Variants in LARGE2 observed in about 807,000 individuals in gnomAD.
The protein encoded by LARGE2 is xylosyl- and glucuronyltransferase LARGE2.
In LARGE2, 63 loss-of-function variants were observed where a neutral mutation model predicts 75.3. The observed-to-expected ratio is 0.84, with a 90% confidence interval of 0.68 to 1.03. LARGE2 has a LOEUF of 1.03. Among genes scored for constraint, LARGE2 ranks in the 50% least tolerant of loss-of-function variants. LARGE2 has a pLI of 0.00. For missense variants in LARGE2, 925 were observed against 980.6 expected, an observed-to-expected ratio of 0.94 and a Z score of 0.76; for synonymous variants, 428 against 420.1, an observed-to-expected ratio of 1.02 and a Z score of -0.23.
chr11:45,922,541 G>A (rs1211422000), upstream of LARGE2, among the ~76,000 whole-genome samples: 7 of 152,060 alleles, frequency 4.6e-5, no homozygotes, highest in Non-Finnish European at 7.4e-5. Context: ...CTGGGGAACC[G>A]TCGGATGCCG....
chr11:45,927,739 C>A, intron 11 of LARGE2, 146 bp downstream of exon 11: 2 of 1,427,382 alleles, frequency 1.4e-6, no homozygotes, highest in Non-Finnish European at 1.9e-6. Flanking sequence ...TTTCTCTGGG[C>A]TGTCAACAGG....
At chr11:45,924,045 G>A in intron 3 of LARGE2, 109 bp from the exon 4 acceptor site, 1 of 1,028,030 alleles carries the variant, frequency 9.7e-7, no homozygotes, top group Non-Finnish European at 1.4e-6. Context: ...GCCGGGCGTG[G>A]AAAAGCTCTT....
At chr11:45,922,424 G>A (rs1047412328), upstream of LARGE2, among the ~76,000 whole-genome samples, 1 of 152,190 alleles carries the variant, frequency 6.6e-6, no homozygotes, top group East Asian at 1.9e-4. Context: ...GTCAGGGCAG[G>A]TAGCGGGGCC....
Position 45,923,120 on chromosome 11 carries a change from A to G in LARGE2, c.238A>G (p.Asn80Asp). ...GDPGAGPGDH[N>D]RSDCGPQPPP... ...CCCGGGGGCCGGCCCCGGGGACCAC[A>G]ACCGCTCCGACTGCGGCCCGCAGCC... The change falls in exon 2 of 14, where the codon AAC becomes GAC. Residue 80 changes from asparagine to aspartate, a missense_variant. Physicochemically the swap from Asn to Asp is conservative, Grantham distance 23. This residue lies in a region of LARGE2 where 453 missense variants were observed against 460.2 expected (regional missense o/e 0.98). Coordinates refer to ENST00000401752, the MANE Select transcript of LARGE2 (RefSeq NM_001300721.2). The G allele has an allele frequency of 7.3e-7, 1 of 1,373,210 alleles. No homozygotes were observed. 85.1% of individuals were successfully genotyped at this position (1,373,210 alleles called of 1,614,324 possible). A position where few individuals can be genotyped will look rare whatever the true frequency, so the allele number is the denominator to read the frequency against.
intron 12 of LARGE2, 27 bp downstream of exon 12, chr11:45,928,096 T>A: frequency 1.9e-6 from 3 of 1,612,890 alleles, no homozygotes; most frequent in Non-Finnish European, 2.5e-6. Flanking sequence ...CTCTGCCCAC[T>A]CCACTCACTT....
intron 10 of LARGE2, 120 bp downstream of exon 10, chr11:45,926,991 TC>T: frequency 9.0e-7 from 1 of 1,107,246 alleles, no homozygotes; most frequent in Non-Finnish European, 1.3e-6. Context: ...CTCAGGGAGT[TC>T]CAGAAGTTGG....
chr11:45,928,123 A>G, intron 12 of LARGE2, 54 bp downstream of exon 12: 1 of 1,612,740 alleles, frequency 6.2e-7, no homozygotes, highest in Non-Finnish European at 8.5e-7. Flanking sequence ...ACTGGCCCCC[A>G]CTACCCACGA....
At position 45,926,272 on chromosome 11, in the gene LARGE2, G is replaced by GCC; in HGVS notation, c.934_935dup (p.Cys313LeufsTer26). On this transcript the variant is annotated frameshift_variant, in exon 8 of 14. Transcript: ENST00000401752. LOFTEE classifies it high-confidence loss of function. ...AGCACCCGGGGCTAGTGCAGCGTCT[G>GCC]CCTTGTGTCTGGAATGTGCAGCTGT... 1 of 1,614,220 alleles carries GCC rather than the reference G, an allele frequency of 6.2e-7. No individual in the cohort carries two copies. Among genetic ancestry groups the GCC allele is most frequent in the Non-Finnish European group, 8.5e-7 (1 of 1,180,026 alleles).
chr11:45,927,869 C>G (rs1485690812), intron 11 of LARGE2, 51 bp from the exon 12 acceptor site: 1 of 1,609,014 alleles, frequency 6.2e-7, no homozygotes. Flanking sequence ...GTCACTGGCC[C>G]AGTCCTAGAT....
At position 45,922,971 on chromosome 11, in the gene LARGE2, A is replaced by T; in HGVS notation, c.89A>T (p.Asp30Val). ...CTCGGATTCCTCCTGTTCGGTGGGG[A>T]CCTGGGGTGTGAGCGCCGCGAGCCT... ...LLLGFLLFGG[D>V]LGCERREPGG... The change falls in exon 2 of 14, where the codon GAC becomes GTC. Residue 30 changes from aspartate to valine, a missense_variant. Transcript: ENST00000401752. 1.5e-6 allele frequency: 2 copies of T among 1,323,166 alleles called. No individual in the cohort carries two copies. Among genetic ancestry groups the T allele is most frequent in the Non-Finnish European group, 1.9e-6 (2 of 1,043,036 alleles). 82.0% of individuals were successfully genotyped at this position (1,323,166 alleles called of 1,614,324 possible).
chr11:45,924,307 C>T (rs775459085), intron 4 of LARGE2, 30 bp downstream of exon 4: 10 of 1,609,906 alleles, frequency 6.2e-6, no homozygotes, highest in Non-Finnish European at 7.6e-6. Flanking sequence ...CCCCTCCCCT[C>T]AGCTGTGTCC....
chr11:45,927,000 T>C, intron 10 of LARGE2, 129 bp downstream of exon 10: 1 of 1,005,794 alleles, frequency 9.9e-7, no homozygotes, highest in South Asian at 1.7e-5. Flanking sequence ...TTCCAGAAGT[T>C]GGAGACATTG....
At position 45,926,143 on chromosome 11, in the gene LARGE2, G is replaced by C; in HGVS notation, c.874G>C (p.Ala292Pro). Residue 292 changes from alanine to proline, a missense_variant, in exon 7 of 14, where the codon GCT becomes CCT. This residue lies in a region of LARGE2 where 453 missense variants were observed against 460.2 expected (regional missense o/e 0.98). Transcript: ENST00000401752. ...CCTTAGCCTGCCTGCCACCTCACTG[G>C]CTGACCAGGTCTGAGGAAGCCTTGC... is the stretch of plus-strand genomic sequence containing the variant. Reference protein sequence around the residue: ...ELLSLPATSLADQDIFNAVIK... With the variant: ...ELLSLPATSLPDQDIFNAVIK... 1.3e-6 allele frequency: 2 copies of C among 1,587,754 alleles called. No individual in the cohort carries two copies. Among genetic ancestry groups the C allele is most frequent in the Non-Finnish European group, 1.7e-6 (2 of 1,166,812 alleles).
rs1018988678 is a variant in LARGE2 at position 45,928,088 on chromosome 11, C to T, written c.1754+19C>T. The T allele has an allele frequency of 1.2e-6, 2 of 1,613,024 alleles. No individual in the cohort carries two copies. Among genetic ancestry groups the T allele is most frequent in the African/African-American group, 2.7e-5 (2 of 74,942 alleles). On this transcript the variant is annotated intron_variant, in intron 12 of 13. Transcript: ENST00000401752. ...CCTTCAGGTAGGAGAGGCTACTTCT[C>T]TGCCCACTCCACTCACTTGCCCACA...
rs751329702 is a variant in LARGE2, at chr11:45,924,134, C to T, written c.369-20C>T. ...GCTCCTGCTGGGGCCTCTCAGGCTT[C>T]CTCTTTGCCCACCCAAAAGGAAAAA... On this transcript the variant is annotated intron_variant, in intron 3 of 13. Coordinates refer to ENST00000401752, the MANE Select transcript of LARGE2 (RefSeq NM_001300721.2). The T allele has an allele frequency of 1.9e-6, 3 of 1,606,862 alleles. No homozygotes were observed. In the South Asian group the frequency reaches 3.3e-5, roughly 18 times the overall value.
chr11:45,923,157 C>G lies in LARGE2; in HGVS notation c.275C>G (p.Pro92Arg), dbSNP rs1212656090. Residue 92 changes from proline (P) to arginine (R), a missense_variant, in exon 2 of 14, where the codon CCC becomes CGC. By Grantham distance (103) the Pro-to-Arg change is moderately radical (BLOSUM62 -2). Coordinates refer to ENST00000401752, the MANE Select transcript of LARGE2 (RefSeq NM_001300721.2). ...SDCGPQPPPP[P>R]KCELLHVAIV... is the part of the protein sequence containing the mutation. ...TGCGGCCCGCAGCCGCCGCCGCCGCCCAAGTGCGAGGTAGGTGCGCGCGGC... is the reference window on the plus strand; with the variant it reads ...TGCGGCCCGCAGCCGCCGCCGCCGCGCAAGTGCGAGGTAGGTGCGCGCGGC... The G allele has an allele frequency of 7.5e-7, 1 of 1,341,720 alleles. No homozygotes were observed. The highest frequency in any genetic ancestry group is 9.5e-7 in the Non-Finnish European group (1 of 1,055,440). The allele number at this position is 1,341,720 out of a possible 1,614,324, so 83.1% of individuals were successfully genotyped here. A position where few individuals can be genotyped will look rare whatever the true frequency, so the allele number is the denominator to read the frequency against.
intron 11 of LARGE2, 138 bp from the exon 12 acceptor site, chr11:45,927,782 C>A: frequency 6.9e-7 from 1 of 1,452,116 alleles, no homozygotes; most frequent in Non-Finnish European, 9.5e-7. Context: ...GCAGCTCCAC[C>A]TGTGGTTGTG....
rs781446646 is a variant in LARGE2, at chr11:45,927,305, C to G, written c.1326-10C>G. 11 of 1,609,768 alleles carry G rather than the reference C, an allele frequency of 6.8e-6. No homozygotes were observed. In the Admixed American group the frequency reaches 1.5e-4, roughly 22 times the overall value. On this transcript the variant is annotated splice_polypyrimidine_tract_variant and intron_variant, in intron 10 of 13. Coordinates refer to ENST00000401752, the MANE Select transcript of LARGE2 (RefSeq NM_001300721.2). The stretch of plus-strand genomic sequence containing the variant: ...GGGGCAGAGCTGTGCTGACCTCCCT[C>G]TCCCCATAGGCTGCAGATGTTGGAA...
chr11:45,924,300 C>A (rs201331952), intron 4 of LARGE2, 23 bp downstream of exon 4: 2 of 1,611,166 alleles, frequency 1.2e-6, no homozygotes, highest in African/African-American at 1.3e-5. Flanking sequence ...CCCTTCCCCC[C>A]TCCCCTCAGC....
Sources: gnomAD v4.1 joint callset for allele counts (sites outside exome capture counted in the v4.1 genomes callset) on GRCh38, gnomAD v4.1.1 for gene constraint, gnomAD v4.1.1 regional missense constraint, MANE v1.5 for transcripts, NCBI Gene and HGNC (gene_info 2026-07-23, HGNC 2026-07-21) for gene names.